ADGRB3: variants seen among roughly 807,000 people sequenced by gnomAD.
ADGRB3 encodes the protein brain-specific angiogenesis inhibitor 3.
ADGRB3 carries 37 observed loss-of-function variants against 193.4 expected under a neutral mutation model. The observed-to-expected ratio is 0.19, with a 90% confidence interval of 0.15 to 0.25. The LOEUF (loss-of-function observed/expected upper bound fraction) is 0.25, where lower values mean the gene tolerates loss of function less well. Ranked by LOEUF, ADGRB3 falls within the 10% of genes least tolerant of loss-of-function variation. The pLI is 1.00. For missense variants in ADGRB3, 1,637 were observed against 1,852.9 expected (o/e 0.88, Z 2.14); for synonymous variants, 690 against 644.2 (o/e 1.07, Z -1.08).
intron 16 of ADGRB3, among the ~76,000 whole-genome samples, chr6:69,072,098 G>C (rs2150311268): frequency 6.6e-6 from 1 of 152,106 alleles, no homozygotes; most frequent in South Asian, 2.1e-4. Flanking sequence ...TAAGTGACTA[G>C]TCTATTTAGG....
intron 17 of ADGRB3, among the ~76,000 whole-genome samples, chr6:69,102,005 A>G (rs1773071011): frequency 6.6e-6 from 1 of 151,910 alleles, no homozygotes; most frequent in Non-Finnish European, 1.5e-5. Context: ...GTGAAACCCC[A>G]TCTCTACTAA....
chr6:68,938,031 G>A (rs1767528450), intron 5 of ADGRB3, among the ~76,000 whole-genome samples: 1 of 152,006 alleles, frequency 6.6e-6, no homozygotes, highest in Non-Finnish European at 1.5e-5. Context: ...CTTTAGAATA[G>A]AATTGGGAGG....
intron 17 of ADGRB3, among the ~76,000 whole-genome samples, chr6:69,128,004 A>G (rs1268889597): frequency 6.6e-6 from 1 of 152,058 alleles, no homozygotes; most frequent in East Asian, 1.9e-4. Context: ...CTCTCGAGAG[A>G]AAAGAAATGA....
In ADGRB3 at chr6:69,144,485, C is replaced by A. The variant is rs189422329; in HGVS notation, c.2480+68447C>A. Among the ~76,000 whole-genome samples the A allele has an allele frequency of 2.6e-5, 4 of 152,272 alleles. No homozygotes were observed. The East Asian group carries it at 5.8e-4, about 22-fold the overall frequency. On this transcript the variant is annotated intron_variant, in intron 17 of 31. Coordinates refer to ENST00000370598, the MANE Select transcript of ADGRB3 (RefSeq NM_001704.3). ...CAAAAGTGGGCATCCTTGACATATT[C>A]CAGATCTTAGAAGGAAGGCTTTTGG...
At chr6:69,353,024 T>C (rs1344674126) in intron 26 of ADGRB3, among the ~76,000 whole-genome samples, 1 of 152,172 alleles carries the variant, frequency 6.6e-6, no homozygotes, top group Non-Finnish European at 1.5e-5. Flanking sequence ...AACAAAGTAG[T>C]GAAATGACAT....
intron 10 of ADGRB3, among the ~76,000 whole-genome samples, chr6:68,993,097 C>T (rs1769285080): frequency 6.6e-6 from 1 of 152,050 alleles, no homozygotes; most frequent in Admixed American, 6.6e-5. Flanking sequence ...ATTGGCAGCA[C>T]ATTTCTCTGA....
At chr6:68,679,323 G>A (rs529573427) in intron 3 of ADGRB3, among the ~76,000 whole-genome samples, 1 of 152,104 alleles carries the variant, frequency 6.6e-6, no homozygotes. Context: ...GGTGGTGCAA[G>A]GATTCAGATT....
chr6:68,805,561 T>G, intron 3 of ADGRB3, among the ~76,000 whole-genome samples: 1 of 152,212 alleles, frequency 6.6e-6, no homozygotes, highest in East Asian at 1.9e-4. Context: ...GGTATTCTTC[T>G]GATCCACTTA....
intron 3 of ADGRB3, among the ~76,000 whole-genome samples, chr6:68,855,109 C>T (rs1421653562): frequency 6.6e-6 from 1 of 152,190 alleles, no homozygotes; most frequent in Non-Finnish European, 1.5e-5. Flanking sequence ...TCTTTTGCTG[C>T]ATTTTGCATT....
chr6:68,803,386 A>AC (rs1767347215), intron 3 of ADGRB3, among the ~76,000 whole-genome samples: 1 of 151,910 alleles, frequency 6.6e-6, no homozygotes, highest in South Asian at 2.1e-4. Context: ...CAATCCTACC[A>AC]CTGTTACCTA....
chr6:69,164,582 A>C (rs1775083638), intron 17 of ADGRB3, among the ~76,000 whole-genome samples: 1 of 152,130 alleles, frequency 6.6e-6, no homozygotes, highest in South Asian at 2.1e-4. Flanking sequence ...GAAGGCAAGC[A>C]TTAGCACCAG....
chr6:69,011,222 A>G (rs999534076), intron 11 of ADGRB3, among the ~76,000 whole-genome samples: 3 of 151,652 alleles, frequency 2.0e-5, no homozygotes, highest in African/African-American at 4.8e-5. Context: ...GCTGAAAGAA[A>G]TGGTGCTAAA....
At chr6:69,253,103 G>A (rs1766661108) in intron 20 of ADGRB3, among the ~76,000 whole-genome samples, 1 of 151,994 alleles carries the variant, frequency 6.6e-6, no homozygotes, top group African/African-American at 2.4e-5. Flanking sequence ...GACTGTATGT[G>A]TGGATCTGTT....
At chr6:69,122,482 G>GGGGAGAGGGGGA (rs1773737319) in intron 17 of ADGRB3, among the ~76,000 whole-genome samples, 1 of 17,142 alleles carries the variant, frequency 5.8e-5, no homozygotes, top group African/African-American at 1.2e-4. Flanking sequence ...GGGAGGGGGA[G>GGGGAGAGGGGGA]GGGGGAGGGG....
intron 3 of ADGRB3, among the ~76,000 whole-genome samples, chr6:68,782,796 C>T (rs1489661176): frequency 6.6e-6 from 1 of 151,936 alleles, no homozygotes; most frequent in Non-Finnish European, 1.5e-5. Flanking sequence ...TGTTCATATC[C>T]TTCGCCCACT....
At chr6:69,109,175 TA>T (rs1391326822) in intron 17 of ADGRB3, among the ~76,000 whole-genome samples, 1 of 144,062 alleles carries the variant, frequency 6.9e-6, no homozygotes, top group Non-Finnish European at 1.6e-5. Context: ...TAAGCAAAAT[TA>T]AGAATTTGAT....
intron 17 of ADGRB3, among the ~76,000 whole-genome samples, chr6:69,157,801 A>G (rs1030446245): frequency 5.3e-5 from 8 of 152,280 alleles, no homozygotes; most frequent in African/African-American, 1.9e-4. Flanking sequence ...GTGGCAACCA[A>G]CTTATGACAA....
At chr6:69,117,903 T>C (rs911254110) in intron 17 of ADGRB3, among the ~76,000 whole-genome samples, 14 of 152,212 alleles carry the variant, frequency 9.2e-5, no homozygotes, top group Admixed American at 2.0e-4. Context: ...CTGGAATGAC[T>C]ATATTAAAAC....
intron 8 of ADGRB3, among the ~76,000 whole-genome samples, chr6:68,963,403 C>G (rs988753152): frequency 6.6e-6 from 1 of 152,074 alleles, no homozygotes; most frequent in Non-Finnish European, 1.5e-5. Context: ...TCTTTATAGC[C>G]TTGTTCTTAT....
Sources: gnomAD v4.1 joint callset for allele counts (sites outside exome capture counted in the v4.1 genomes callset) on GRCh38, gnomAD v4.1.1 for gene constraint, MANE v1.5 for transcripts, NCBI Gene and HGNC (gene_info 2026-07-23, HGNC 2026-07-21) for gene names.